The following WDR25 variants were observed in gnomAD, a reference collection of about 807,000 sequenced individuals.
The protein encoded by WDR25 is WD repeat-containing protein 25.
WDR25 carries 35 observed loss-of-function variants against 47.7 expected under a neutral mutation model. The observed-to-expected ratio is 0.73, with a 90% CI of 0.56 to 0.97. WDR25 has a LOEUF of 0.97. Among genes scored for constraint, WDR25 ranks in the 50% least tolerant of loss-of-function variants. WDR25 has a pLI of 0.00. For missense variants in WDR25, 634 were observed against 704.7 expected (o/e 0.90, Z 1.14); for synonymous variants, 248 against 278.9 (o/e 0.89, Z 1.10).
At chr14:100,376,531 G>A (rs1486705289) in intron 1 of WDR25, 36 bp downstream of exon 1, 2 of 1,231,876 alleles carry the variant, frequency 1.6e-6, no homozygotes, top group East Asian at 3.2e-5. Flanking sequence ...GGGCTGGAGG[G>A]GCCGGGACTG....
Position 100,444,352 on chromosome 14 carries a change from G to A in WDR25, c.823-23669G>A, listed in dbSNP as rs562977801. Among the ~76,000 whole-genome samples, 6 of 152,372 alleles carry A rather than the reference G, an allele frequency of 3.9e-5. No individual in the cohort carries two copies. In the East Asian group the frequency reaches 1.2e-3, roughly 29 times the overall value. ...GGGGCATGCCTGCGAGTGCATCCGTGCCACTTAGTTGTGGGTCAGGGAGGC... is the reference window on the plus strand; with the variant it reads ...GGGGCATGCCTGCGAGTGCATCCGTACCACTTAGTTGTGGGTCAGGGAGGC... On this transcript the variant is annotated intron_variant, in intron 2 of 6. Coordinates refer to ENST00000402312, the MANE Select transcript of WDR25 (RefSeq NM_001161476.3).
At chr14:100,402,647 T>C (rs1897414989) in intron 2 of WDR25, among the ~76,000 whole-genome samples, 1 of 152,186 alleles carries the variant, frequency 6.6e-6, no homozygotes, top group South Asian at 2.1e-4. Context: ...TCTGAGGCCC[T>C]TTTAAGCTGA....
intron 2 of WDR25, among the ~76,000 whole-genome samples, chr14:100,384,626 G>A (rs73357463): frequency 0.028 from 4,308 of 152,264 alleles, 210 homozygotes; most frequent in African/African-American, 0.099. Flanking sequence ...TGGTGGGTCT[G>A]GAGTGGGGAT....
intron 2 of WDR25, among the ~76,000 whole-genome samples, chr14:100,383,175 T>C (rs536137368): frequency 6.6e-6 from 1 of 152,324 alleles, no homozygotes; most frequent in East Asian, 1.9e-4. Context: ...TGCTCTTTTC[T>C]AGCAAGACTC....
intron 2 of WDR25, among the ~76,000 whole-genome samples, chr14:100,426,960 G>A (rs934710303): frequency 6.6e-6 from 1 of 152,172 alleles, no homozygotes; most frequent in Non-Finnish European, 1.5e-5. Flanking sequence ...CTCAGGCAGA[G>A]GGGTTTCATA....
At position 100,463,671 on chromosome 14, in the gene WDR25, C is replaced by T. The variant is rs192077129; in HGVS notation, c.823-4350C>T. Among the ~76,000 whole-genome samples the T allele has an allele frequency of 2.3e-3, 349 of 152,296 alleles. 3 individuals carry two copies. The highest frequency in any genetic ancestry group is 0.014 in the Middle Eastern group (4 of 294). ...CTCTCTTTTGAACATCACACTGGTA[C>T]GGGAATGAGTCTTTATACTGTCTGC... On this transcript the variant is annotated intron_variant, in intron 2 of 6. Transcript: ENST00000402312.
chr14:100,474,692 G>C (rs954542819), intron 3 of WDR25, among the ~76,000 whole-genome samples: 2 of 152,194 alleles, frequency 1.3e-5, no homozygotes, highest in Non-Finnish European at 2.9e-5. Flanking sequence ...GGAACATTCG[G>C]TCTTGTCCAG....
intron 2 of WDR25, among the ~76,000 whole-genome samples, chr14:100,445,645 C>T (rs918451153): frequency 6.6e-6 from 1 of 152,144 alleles, no homozygotes; most frequent in African/African-American, 2.4e-5. Context: ...GACAGGATGG[C>T]TTCTAGGCTT....
chr14:100,494,332 G>A (rs1012808901), intron 4 of WDR25, among the ~76,000 whole-genome samples: 4 of 152,240 alleles, frequency 2.6e-5, no homozygotes, highest in South Asian at 2.1e-4. Flanking sequence ...CTGTTTTTGC[G>A]TATTGTCTAC....
At chr14:100,377,782 G>A (rs1595479196) in intron 1 of WDR25, among the ~76,000 whole-genome samples, 1 of 152,194 alleles carries the variant, frequency 6.6e-6, no homozygotes, top group East Asian at 1.9e-4. Flanking sequence ...GAAAGGTGTG[G>A]AAGAGGTTGG....
chr14:100,386,227 A>G (rs1282430997), intron 2 of WDR25, among the ~76,000 whole-genome samples: 2 of 152,380 alleles, frequency 1.3e-5, no homozygotes, highest in East Asian at 3.9e-4. Flanking sequence ...AGGAAATATG[A>G]AGTATGAAGG....
chr14:100,480,218 G>A (rs1365217910), intron 3 of WDR25, among the ~76,000 whole-genome samples: 1 of 152,106 alleles, frequency 6.6e-6, no homozygotes, highest in East Asian at 1.9e-4. Context: ...GGACCGTTAG[G>A]GTGTTGTTTA....
intron 4 of WDR25, among the ~76,000 whole-genome samples, chr14:100,497,192 G>A (rs1287351006): frequency 6.6e-6 from 1 of 152,150 alleles, no homozygotes; most frequent in African/African-American, 2.4e-5. Context: ...CATATGCTCC[G>A]TGCATTTTGC....
At chr14:100,466,633 A>T (rs951617776) in intron 2 of WDR25, among the ~76,000 whole-genome samples, 1 of 152,072 alleles carries the variant, frequency 6.6e-6, no homozygotes, top group Non-Finnish European at 1.5e-5. Flanking sequence ...GGAGGAGAGG[A>T]CTGAGGCCCA....
intron 2 of WDR25, among the ~76,000 whole-genome samples, chr14:100,402,716 T>C (rs1476893954): frequency 6.6e-6 from 1 of 152,192 alleles, no homozygotes; most frequent in African/African-American, 2.4e-5. Context: ...GAATTACAGG[T>C]GTCCCCCAAA....
At chr14:100,482,011 G>A (rs954485101) in intron 3 of WDR25, among the ~76,000 whole-genome samples, 2 of 151,522 alleles carry the variant, frequency 1.3e-5, no homozygotes, top group Admixed American at 1.3e-4. Flanking sequence ...TTTGTTACAT[G>A]TGTTAAGAAT....
intron 2 of WDR25, among the ~76,000 whole-genome samples, chr14:100,403,543 C>T (rs1045133991): frequency 6.6e-6 from 1 of 152,208 alleles, no homozygotes; most frequent in African/African-American, 2.4e-5. Flanking sequence ...ATGCTTAGCC[C>T]GCAGGGCTGT....
chr14:100,415,597 G>A (rs927223648), intron 2 of WDR25, among the ~76,000 whole-genome samples: 1 of 152,164 alleles, frequency 6.6e-6, no homozygotes, highest in African/African-American at 2.4e-5. Context: ...AGGAGCAGAG[G>A]TTGGGCAGGT....
chr14:100,463,003 CTCCCCCTT>C, intron 2 of WDR25, among the ~76,000 whole-genome samples: 4 of 98,480 alleles, frequency 4.1e-5, no homozygotes, highest in African/African-American at 1.8e-4. Flanking sequence ...CTTCTCTTCT[CTCCCCCTT>C]CCTCTCCCCC....
Sources: allele counts gnomAD v4.1 joint callset (sites outside exome capture counted in the v4.1 genomes callset), GRCh38; gene constraint gnomAD v4.1.1; transcripts MANE v1.5; gene names NCBI Gene and HGNC (gene_info 2026-07-23, HGNC 2026-07-21).